CADPS: variants seen among roughly 807,000 people sequenced by gnomAD.
CADPS encodes calcium-dependent secretion activator 1.
A neutral mutation model predicts 167.3 loss-of-function variants in CADPS; 57 were observed. That is an observed-to-expected ratio of 0.34 (90% CI 0.28 to 0.42). The LOEUF is 0.42. Ranked by LOEUF, CADPS falls within the 20% of genes least tolerant of loss-of-function variation. The pLI is 1.00. For synonymous variants in CADPS, 676 were observed against 635.3 expected, an observed-to-expected ratio of 1.06 and a Z score of -0.96; for missense variants, 1,414 against 1,738.1, an observed-to-expected ratio of 0.81 and a Z score of 3.32.
intron 6 of CADPS, among the ~76,000 whole-genome samples, chr3:62,634,065 G>C (rs1294410902): frequency 6.6e-6 from 1 of 152,156 alleles, no homozygotes; most frequent in Non-Finnish European, 1.5e-5. Context: ...ATCGTTGACA[G>C]CGACATTGAC....
chr3:62,594,734 T>C (rs2058683345), intron 6 of CADPS, among the ~76,000 whole-genome samples: 2 of 152,158 alleles, frequency 1.3e-5, no homozygotes, highest in Admixed American at 6.6e-5. Context: ...AGCTGGGAGA[T>C]CACTTCTTCC....
chr3:62,407,825 C>T (rs2048205562), intron 28 of CADPS, among the ~76,000 whole-genome samples: 1 of 152,110 alleles, frequency 6.6e-6, no homozygotes, highest in South Asian at 2.1e-4. Flanking sequence ...CCTCTGTCTC[C>T]CAGGTTCAAG....
At chr3:62,443,710 T>C (rs1274681993) in intron 27 of CADPS, among the ~76,000 whole-genome samples, 4 of 152,140 alleles carry the variant, frequency 2.6e-5, no homozygotes, top group Admixed American at 2.6e-4. Flanking sequence ...CCTTCCGCCA[T>C]GATTGTAAGT....
At chr3:62,583,841 G>T (rs1356622660) in intron 8 of CADPS, among the ~76,000 whole-genome samples, 1 of 151,868 alleles carries the variant, frequency 6.6e-6, no homozygotes, top group East Asian at 1.9e-4. Flanking sequence ...CTATCTGACT[G>T]CATGCTGCTG....
chr3:62,844,800 C>A (rs1170416624), intron 1 of CADPS, among the ~76,000 whole-genome samples: 1 of 152,080 alleles, frequency 6.6e-6, no homozygotes, highest in African/African-American at 2.4e-5. Context: ...GTGACAGGCC[C>A]ATTTTCAGAG....
chr3:62,781,987 A>C (rs1474719587), intron 1 of CADPS, among the ~76,000 whole-genome samples: 1 of 152,176 alleles, frequency 6.6e-6, no homozygotes, highest in African/African-American at 2.4e-5. Flanking sequence ...CTAAATATCA[A>C]TTTCTAGTCA....
At chr3:62,418,619 G>A (rs1393985707) in intron 28 of CADPS, among the ~76,000 whole-genome samples, 1 of 151,098 alleles carries the variant, frequency 6.6e-6, no homozygotes, top group Non-Finnish European at 1.5e-5. Context: ...GGCATTATAG[G>A]TGTGAGCCAC....
In CADPS at chr3:62,718,958, G is replaced by T. The variant is rs1190541100; in HGVS notation, c.888+34483C>A. On this transcript the variant is annotated intron_variant, in intron 3 of 29. Transcript: ENST00000383710. ...TTTGCTTTAAAATGTCACAGGTAAA[G>T]TATGGACCTGTGACTATAGAACATT... 5.3e-5 allele frequency among the ~76,000 whole-genome samples: 8 copies of T among 152,346 alleles called. No homozygotes were observed. In the East Asian group the frequency reaches 1.3e-3, roughly 26 times the overall value.
chr3:62,724,173 G>C (rs576222), intron 3 of CADPS, among the ~76,000 whole-genome samples: 34,286 of 152,064 alleles, frequency 0.23, 4,128 homozygotes, highest in African/African-American at 0.3. Flanking sequence ...GGTCCTCACT[G>C]ACTGCCTCTG....
chr3:62,580,378 T>C (rs1320147737), intron 8 of CADPS, among the ~76,000 whole-genome samples: 7 of 151,972 alleles, frequency 4.6e-5, no homozygotes, highest in South Asian at 4.1e-4. Context: ...TAGATCGGAA[T>C]TGAACAATAA....
intron 26 of CADPS, among the ~76,000 whole-genome samples, chr3:62,457,414 G>A (rs2058820037): frequency 6.6e-6 from 1 of 152,208 alleles, no homozygotes; most frequent in Non-Finnish European, 1.5e-5. Flanking sequence ...TTCAATTCTA[G>A]TTAAGCAAAC....
At chr3:62,843,380 T>C (rs1325849913) in intron 1 of CADPS, among the ~76,000 whole-genome samples, 1 of 152,192 alleles carries the variant, frequency 6.6e-6, no homozygotes, top group Non-Finnish European at 1.5e-5. Flanking sequence ...GAAACAGAAA[T>C]ATCTGAGATT....
chr3:62,828,671 A>T (rs900629149), intron 1 of CADPS, among the ~76,000 whole-genome samples: 6 of 152,226 alleles, frequency 3.9e-5, no homozygotes, highest in East Asian at 1.9e-4. Context: ...ATACTTATTT[A>T]AAAAAAGCAT....
intron 6 of CADPS, among the ~76,000 whole-genome samples, chr3:62,598,086 CCA>C (rs1257885991): frequency 1.3e-5 from 2 of 152,168 alleles, no homozygotes; most frequent in Admixed American, 6.5e-5. Flanking sequence ...CTCCTCAAAT[CCA>C]CAGTCCATCG....
chr3:62,868,024 T>A (rs772611295), intron 1 of CADPS, among the ~76,000 whole-genome samples: 1 of 152,056 alleles, frequency 6.6e-6, no homozygotes, highest in Admixed American at 6.6e-5. Context: ...AATATATCAA[T>A]AGCAAGGGCT....
At chr3:62,475,846 G>A (rs1040808493) in intron 23 of CADPS, among the ~76,000 whole-genome samples, 6 of 152,160 alleles carry the variant, frequency 3.9e-5, no homozygotes, top group African/African-American at 1.2e-4. Flanking sequence ...TGCCAGTTCC[G>A]GCCCAATTTG....
chr3:62,868,406 G>A (rs1291894255), intron 1 of CADPS, among the ~76,000 whole-genome samples: 2 of 152,104 alleles, frequency 1.3e-5, no homozygotes, highest in Non-Finnish European at 2.9e-5. Context: ...TTATTTAAAT[G>A]ATGGTTGGGT....
rs1369313489 is a variant in CADPS at position 62,626,427 on chromosome 3, A to G, written c.1325+19295T>C. On this transcript the variant is annotated intron_variant, in intron 6 of 29. Coordinates refer to ENST00000383710, the MANE Select transcript of CADPS (RefSeq NM_003716.4). ...TAAACCAGGGAAATACACAGACTAT[A>G]GTGAAATTATTCAGTAAACAGAGAT... is the stretch of plus-strand genomic sequence containing the variant. The G allele has an allele frequency of 2.5e-5, 17 of 691,558 alleles. No homozygotes were observed. The East Asian group carries it at 4.6e-4, about 19-fold the overall frequency. The allele number at this position is 691,558 out of a possible 1,614,324, so 42.8% of individuals were successfully genotyped here. A position where few individuals can be genotyped will look rare whatever the true frequency, so the allele number is the denominator to read the frequency against.
intron 12 of CADPS, 82 bp downstream of exon 12, chr3:62,536,363 G>T: frequency 1.6e-6 from 2 of 1,214,598 alleles, no homozygotes; most frequent in Non-Finnish European, 2.3e-6. Context: ...GGAGAAAAGA[G>T]CTTCTGACAT....
Sources: gnomAD v4.1 joint callset for allele counts (sites outside exome capture counted in the v4.1 genomes callset) on GRCh38, gnomAD v4.1.1 for gene constraint, MANE v1.5 for transcripts, NCBI Gene and HGNC (gene_info 2026-07-23, HGNC 2026-07-21) for gene names.